Variants in STAG2 observed in about 807,000 individuals in gnomAD.
STAG2 encodes the protein STAG2 cohesin complex component, also known as cohesin subunit SA-2.
In STAG2, 14 loss-of-function variants were observed where a neutral mutation model predicts 108.1. That is an observed-to-expected ratio of 0.13 (90% confidence interval 0.09 to 0.20). STAG2 has a LOEUF of 0.20. Ranked by LOEUF, STAG2 falls within the 10% of genes least tolerant of loss-of-function variation. STAG2 has a pLI of 1.00. For synonymous variants in STAG2, 307 were observed against 302.7 expected, an observed-to-expected ratio of 1.01 and a Z score of -0.15; for missense variants, 440 against 940.9, an observed-to-expected ratio of 0.47 and a Z score of 6.96.
intron 1 of STAG2, among the ~76,000 whole-genome samples, chrX:124,007,213 C>T (rs1206966175): frequency 9.5e-6 from 1 of 105,639 alleles, no homozygotes; most frequent in Admixed American, 1.0e-4. Context: ...GAACAGGTCT[C>T]GCTGTGTTGA....
At position 124,089,976 on chromosome X, in the gene STAG2, C is replaced by T. The variant is rs187176899; in HGVS notation, c.3278-599C>T. Among the ~76,000 whole-genome samples, 26 of 108,805 alleles carry T rather than the reference C, an allele frequency of 2.4e-4. No homozygotes were observed. In the East Asian group the frequency reaches 5.5e-3, roughly 23 times the overall value. 94.5% of individuals were successfully genotyped at this position (108,805 alleles called of 115,157 possible). A position where few individuals can be genotyped will look rare whatever the true frequency, so the allele number is the denominator to read the frequency against. On this transcript the variant is annotated intron_variant, in intron 30 of 34. Transcript: ENST00000371145. ...AGGAATTCAAGACCAGCCTAGCCAA[C>T]GTGCTGAAACCCTGTCTCTACTAAA...
At chrX:123,968,420 T>A (rs770743379) in intron 1 of STAG2, among the ~76,000 whole-genome samples, 1 of 111,750 alleles carries the variant, frequency 8.9e-6, no homozygotes, top group Non-Finnish European at 1.9e-5. Flanking sequence ...AGCACTTTGG[T>A]AGGCCAAGGT....
intron 30 of STAG2, among the ~76,000 whole-genome samples, chrX:124,090,160 CAAAAAAAAA>C (rs758142487): frequency 2.5e-4 from 7 of 28,403 alleles, no homozygotes; most frequent in South Asian, 4.7e-3. Context: ...GACTCTGTCT[CAAAAAAAAA>C]AAAAAAAAAA....
At chrX:123,992,517 G>A (rs955132174) in intron 1 of STAG2, among the ~76,000 whole-genome samples, 4 of 109,969 alleles carry the variant, frequency 3.6e-5, no homozygotes, top group Non-Finnish European at 7.6e-5. Context: ...GAGGGCTGTA[G>A]TAGGGAGAGT....
intron 5 of STAG2, among the ~76,000 whole-genome samples, chrX:124,035,363 C>G (rs1254042318): frequency 8.9e-6 from 1 of 111,810 alleles, no homozygotes; most frequent in Non-Finnish European, 1.9e-5. Context: ...TCTACTTGAT[C>G]TTAATGAATT....
intron 1 of STAG2, among the ~76,000 whole-genome samples, chrX:123,986,369 A>G (rs1046319048): frequency 6.3e-5 from 7 of 110,489 alleles, no homozygotes; most frequent in Middle Eastern, 4.7e-3. Flanking sequence ...GATTCTGGAG[A>G]TGTGTATGCT....
chrX:124,049,797 A>C (rs930026958), intron 10 of STAG2, among the ~76,000 whole-genome samples: 8 of 112,076 alleles, frequency 7.1e-5, no homozygotes, highest in South Asian at 7.4e-4. Flanking sequence ...CTAACATTCA[A>C]ATCCCAGTTG....
chrX:124,082,795 A>C (rs932965013), intron 28 of STAG2, among the ~76,000 whole-genome samples: 1 of 111,590 alleles, frequency 9.0e-6, no homozygotes, highest in African/African-American at 3.3e-5. Flanking sequence ...ATATTTAAGG[A>C]CTACCTGTAT....
intron 27 of STAG2, among the ~76,000 whole-genome samples, chrX:124,079,933 C>CTT (rs200425943): frequency 4.0e-5 from 4 of 98,998 alleles, no homozygotes; most frequent in African/African-American, 1.5e-4. Flanking sequence ...TCCTCAGCAT[C>CTT]TTTTTTTTTT....
chrX:124,020,915 G>C (rs2056906398), intron 1 of STAG2, among the ~76,000 whole-genome samples: 1 of 111,634 alleles, frequency 9.0e-6, no homozygotes, highest in Admixed American at 9.5e-5. Context: ...CAAGTGACCT[G>C]CCCGCCTTGG....
At chrX:123,993,813 CATTTAAA>C (rs2055596912) in intron 1 of STAG2, among the ~76,000 whole-genome samples, 1 of 111,564 alleles carries the variant, frequency 9.0e-6, no homozygotes, top group African/African-American at 3.3e-5. Flanking sequence ...TGTGACCATG[CATTTAAA>C]CGAACATTTT....
Position 124,100,656 on chromosome X carries a change from A to G in STAG2, c.*59A>G. 1.0e-6 allele frequency: 1 copy of G among 968,481 alleles called. No individual in the cohort carries two copies. The highest frequency in any genetic ancestry group is 1.5e-6 in the Non-Finnish European group (1 of 678,832). The allele number at this position is 968,481 out of a possible 1,213,427, so 79.8% of individuals were successfully genotyped here. ...TTTTCTAAGTGGAAGAGGAAATTTT[A>G]AAGTGTGGTAGATACAGTGAAATTC... On this transcript the variant is annotated 3_prime_UTR_variant, in exon 35 of 35. Coordinates refer to ENST00000371145, the MANE Select transcript of STAG2 (RefSeq NM_001042750.2).
intron 1 of STAG2, among the ~76,000 whole-genome samples, chrX:123,970,574 G>C (rs761808453): frequency 8.9e-6 from 1 of 112,049 alleles, no homozygotes; most frequent in Admixed American, 9.5e-5. Flanking sequence ...GATACAATGT[G>C]AATGCTGTTG....
At chrX:124,026,351 A>G (rs1316917919) in intron 4 of STAG2, among the ~76,000 whole-genome samples, 2 of 110,956 alleles carry the variant, frequency 1.8e-5, no homozygotes, top group African/African-American at 6.5e-5. Context: ...ACAAATGACA[A>G]TAGTTTTACT....
intron 32 of STAG2, among the ~76,000 whole-genome samples, chrX:124,092,520 T>C (rs972233218): frequency 8.9e-6 from 1 of 111,735 alleles, no homozygotes; most frequent in African/African-American, 3.3e-5. Context: ...TGTCACTACT[T>C]AGTACCATTT....
chrX:124,084,490 G>A (rs1295418650), intron 29 of STAG2, among the ~76,000 whole-genome samples: 1 of 110,703 alleles, frequency 9.0e-6, no homozygotes, highest in African/African-American at 3.3e-5. Flanking sequence ...GGCTAATTTT[G>A]TATTTTTAGT....
intron 30 of STAG2, among the ~76,000 whole-genome samples, chrX:124,088,428 T>C (rs1197243152): frequency 9.0e-6 from 1 of 110,900 alleles, no homozygotes; most frequent in African/African-American, 3.3e-5. Context: ...ACTGATAGGT[T>C]GGCCAAGTCA....
chrX:123,961,491 G>C (rs2053850927), upstream of STAG2: 1 of 110,887 alleles, frequency 9.0e-6, no homozygotes, highest in Non-Finnish European at 1.9e-5. Flanking sequence ...CTGTGGTTGG[G>C]GTGGGGGAGA....
At chrX:124,081,595 C>T (rs995194346) in intron 28 of STAG2, 67 bp downstream of exon 28, 2 of 877,961 alleles carry the variant, frequency 2.3e-6, no homozygotes, top group Admixed American at 6.9e-5. Flanking sequence ...TTAAATCTAG[C>T]CCTTTCATTT....
Sources: allele counts gnomAD v4.1 joint callset (sites outside exome capture counted in the v4.1 genomes callset), GRCh38; gene constraint gnomAD v4.1.1; transcripts MANE v1.5; gene names NCBI Gene and HGNC (gene_info 2026-07-23, HGNC 2026-07-21).